The following NBPF12 variants were observed in gnomAD, a reference collection of about 807,000 sequenced individuals.
NBPF12 encodes NBPF member 12.
NBPF12 carries 115 observed loss-of-function variants against 146.4 expected under a neutral mutation model. The observed-to-expected ratio is 0.79, with a 90% CI of 0.68 to 0.92. The LOEUF (loss-of-function observed/expected upper bound fraction) is 0.92, where lower values mean the gene tolerates loss of function less well. Ranked by LOEUF, NBPF12 falls within the 40% of genes least tolerant of loss-of-function variation. The pLI is 0.00. For missense variants in NBPF12, 1,205 were observed against 1,326.8 expected (o/e 0.91, Z 1.43); for synonymous variants, 385 against 508.9 (o/e 0.76, Z 3.28).
chr1:146,959,928 G>A lies in NBPF12; in HGVS notation c.-114G>A. On this transcript the variant is annotated 5_prime_UTR_variant, in exon 3 of 34. An upstream open reading frame in the 5' UTR loses its in-frame stop. Coordinates refer to ENST00000617844, the Ensembl canonical transcript of NBPF12. ...GAGTCTGAGCAGTGCTTTCAGCTCT[G>A]AGTTGAGGCACCTCGAACCTTGTTT... 3.8e-6 allele frequency: 1 copy of A among 263,532 alleles called. No homozygotes were observed. The highest frequency in any genetic ancestry group is 6.5e-6 in the Non-Finnish European group (1 of 154,146). 16.3% of individuals were successfully genotyped at this position (263,532 alleles called of 1,614,324 possible).
At chr1:146,994,698 T>C in exon 34 of NBPF12, 2 of 1,479,002 alleles carry the variant, frequency 1.4e-6, no homozygotes, top group East Asian at 4.6e-5. Context: ...TGGGCATGGC[T>C]CTATTCCTAT....
intron 11 of NBPF12, 40 bp downstream of exon 14, chr1:146,969,636 C>A: frequency 6.3e-7 from 1 of 1,581,548 alleles, no homozygotes; most frequent in Non-Finnish European, 8.7e-7. Flanking sequence ...AAACCCCAGG[C>A]TTATGAGAGG....
chr1:146,984,683 T>A, intron 21 of NBPF12, 130 bp from the exon 25 acceptor site: 1 of 724,420 alleles, frequency 1.4e-6, no homozygotes, highest in Non-Finnish European at 2.5e-6. Flanking sequence ...AGGCAATAAT[T>A]TGTTACCTCA....
At chr1:146,955,627 TC>T (rs1655548520) in intron 2 of NBPF12, among the ~76,000 whole-genome samples, 1 of 142,620 alleles carries the variant, frequency 7.0e-6, no homozygotes, top group Non-Finnish European at 1.5e-5. Context: ...TGTGCATTCA[TC>T]TAAATACATA....
chr1:146,975,826 A>C, exon 16 of NBPF12: 1 of 1,609,002 alleles, frequency 6.2e-7, no homozygotes, highest in Non-Finnish European at 8.5e-7. Context: ...CAGGGGCAGG[A>C]CCTCCAAGAA....
chr1:146,944,584 G>A (rs1196812289), upstream of NBPF12, among the ~76,000 whole-genome samples: 3 of 151,258 alleles, frequency 2.0e-5, no homozygotes, highest in Admixed American at 6.6e-5. Context: ...CTTATCCAAA[G>A]ACAAGACTCA....
chr1:146,994,388 A>G (rs1349162883), exon 34 of NBPF12: 2 of 1,612,284 alleles, frequency 1.2e-6, no homozygotes, highest in African/African-American at 1.3e-5. Context: ...GACTCACTGG[A>G]TAGATGTTAT....
intron 11 of NBPF12, among the ~76,000 whole-genome samples, 172 bp downstream of exon 14, chr1:146,969,768 T>G (rs1384396881): frequency 2.4e-4 from 36 of 151,298 alleles, no homozygotes; most frequent in Admixed American, 3.9e-4. Flanking sequence ...AACCCATGGG[T>G]TTGGAGGTCC....
chr1:146,969,033 G>C (rs1196084137), intron 10 of NBPF12, among the ~76,000 whole-genome samples: 1 of 151,480 alleles, frequency 6.6e-6, no homozygotes, highest in African/African-American at 2.4e-5. Flanking sequence ...GTGTCTAGTG[G>C]CCGCAAGATG....
At chr1:146,980,584 G>C (rs1657309388) in intron 19 of NBPF12, among the ~76,000 whole-genome samples, 1 of 151,802 alleles carries the variant, frequency 6.6e-6, no homozygotes, top group Admixed American at 6.6e-5. Flanking sequence ...GCTTTGTTTG[G>C]CTGGATATGA....
chr1:146,960,784 G>A (rs1233965768), intron 4 of NBPF12, among the ~76,000 whole-genome samples: 26 of 151,992 alleles, frequency 1.7e-4, no homozygotes, highest in Non-Finnish European at 2.2e-4. Flanking sequence ...CCCAGTACCT[G>A]CTCTGAGGGG....
chr1:146,954,168 G>T (rs1655448691), intron 2 of NBPF12, among the ~76,000 whole-genome samples: 1 of 150,498 alleles, frequency 6.6e-6, no homozygotes, highest in Middle Eastern at 3.4e-3. Flanking sequence ...GAGGTGGGCA[G>T]ATCATGAGGT....
intron 18 of NBPF12, 121 bp downstream of exon 21, chr1:146,977,792 A>G (rs1162833351): frequency 3.0e-6 from 2 of 672,664 alleles, no homozygotes; most frequent in Non-Finnish European, 5.2e-6. Flanking sequence ...TTCTAAACAG[A>G]TATCAGGGAG....
chr1:146,938,749 C>T (rs1287529032), exon 1 of NBPF12: 3 of 152,320 alleles, frequency 2.0e-5, no homozygotes, highest in African/African-American at 7.3e-5. Flanking sequence ...CATCCGGACC[C>T]TGAGGAGCCA....
At chr1:146,994,228 T>C in intron 33 of NBPF12, 104 bp from the exon 37 acceptor site, 7 of 1,415,120 alleles carry the variant, frequency 4.9e-6, no homozygotes, top group East Asian at 2.2e-5. Context: ...GGATCTGTCC[T>C]TTTTCTTTTC....
At chr1:146,963,493 A>G (rs1362859837) in intron 6 of NBPF12, among the ~76,000 whole-genome samples, 184 bp downstream of exon 9, 2 of 152,082 alleles carry the variant, frequency 1.3e-5, no homozygotes, top group African/African-American at 2.4e-5. Flanking sequence ...TGGAGGTCCC[A>G]GTATTGCAAG....
chr1:146,952,162 A>C (rs1270151540), intron 2 of NBPF12: 1 of 151,866 alleles, frequency 6.6e-6, no homozygotes, highest in Non-Finnish European at 1.5e-5. Context: ...TTTTATGATG[A>C]AGGAGAAATA....
At chr1:146,945,249 C>G (rs1382078458), upstream of NBPF12, among the ~76,000 whole-genome samples, 2 of 151,704 alleles carry the variant, frequency 1.3e-5, 1 homozygote, top group East Asian at 3.9e-4. Flanking sequence ...GGAGCTGCTT[C>G]TGTCTTGTAG....
chr1:146,964,729 G>A, intron 7 of NBPF12, among the ~76,000 whole-genome samples, 164 bp from the exon 11 acceptor site: 1 of 152,118 alleles, frequency 6.6e-6, no homozygotes, highest in Non-Finnish European at 1.5e-5. Context: ...GCCATGCTCT[G>A]TTGCAGAGAG....
Sources: allele counts gnomAD v4.1 joint callset (sites outside exome capture counted in the v4.1 genomes callset), GRCh38; gene constraint gnomAD v4.1.1; transcripts MANE v1.5; gene names NCBI Gene and HGNC (gene_info 2026-07-23, HGNC 2026-07-21).